PTPRT: variants seen among roughly 807,000 people sequenced by gnomAD.
PTPRT encodes the protein receptor-type tyrosine-protein phosphatase T.
In PTPRT, 56 loss-of-function variants were observed where a neutral mutation model predicts 176.8. The observed-to-expected ratio is 0.32, with a 90% CI of 0.26 to 0.40. The LOEUF is 0.40. Ranked by LOEUF, PTPRT falls within the 10% of genes least tolerant of loss-of-function variation. The probability of loss-of-function intolerance (pLI) is 1.00; values close to 1 mark genes in which losing one functional copy is unlikely to be tolerated. For missense variants in PTPRT, 1,540 were observed against 1,908.2 expected, an observed-to-expected ratio of 0.81 and a Z score of 3.60; for synonymous variants, 783 against 739.0, an observed-to-expected ratio of 1.06 and a Z score of -0.96.
At chr20:42,290,799 G>T (rs866866509) in intron 12 of PTPRT, among the ~76,000 whole-genome samples, 22 of 152,010 alleles carry the variant, frequency 1.4e-4, no homozygotes, top group African/African-American at 5.1e-4. Context: ...ATTATTTACT[G>T]AAATTTTAGG....
At chr20:42,463,134 G>A (rs2071047829) in intron 8 of PTPRT, among the ~76,000 whole-genome samples, 1 of 152,072 alleles carries the variant, frequency 6.6e-6, no homozygotes, top group Admixed American at 6.6e-5. Context: ...TAGTCAAGAT[G>A]TCCTTTGCAA....
intron 6 of PTPRT, among the ~76,000 whole-genome samples, chr20:42,696,494 C>T (rs1387731407): frequency 2.7e-5 from 4 of 150,440 alleles, no homozygotes; most frequent in East Asian, 2.0e-4. Flanking sequence ...CTCGCTCTGT[C>T]GCCCAGGCTG....
intron 15 of PTPRT, among the ~76,000 whole-genome samples, chr20:42,235,418 G>A (rs1600710871): frequency 6.6e-6 from 1 of 151,880 alleles, no homozygotes; most frequent in Non-Finnish European, 1.5e-5. Context: ...CTGCCATCAC[G>A]CCCAGCTCAT....
intron 1 of PTPRT, among the ~76,000 whole-genome samples, chr20:43,155,895 C>G (rs942434727): frequency 6.6e-6 from 1 of 152,026 alleles, no homozygotes; most frequent in Non-Finnish European, 1.5e-5. Flanking sequence ...CAGCCTGAGC[C>G]CTCACCACAA....
intron 8 of PTPRT, among the ~76,000 whole-genome samples, chr20:42,459,908 T>C (rs1160015091): frequency 6.6e-6 from 1 of 150,684 alleles, no homozygotes; most frequent in African/African-American, 2.4e-5. Context: ...TGAGCCACCA[T>C]CCCCAGCCAG....
Position 43,041,633 on chromosome 20 carries a change from C to T in PTPRT, c.88+148013G>A, listed in dbSNP as rs768927889. Among the ~76,000 whole-genome samples, 77 of 152,190 alleles carry T rather than the reference C, an allele frequency of 5.1e-4. 1 individual carries two copies. The highest frequency in any genetic ancestry group is 3.4e-4 in the Non-Finnish European group (23 of 68,032). The stretch of plus-strand genomic sequence containing the variant: ...GGCTACCTCTTCCAAGAATCATTTT[C>T]GGCTGGAAAGTAAACCTATCCAACC... On this transcript the variant is annotated intron_variant, in intron 1 of 30. Transcript: ENST00000373187.
chr20:43,122,199 A>C (rs1260017415), intron 1 of PTPRT, among the ~76,000 whole-genome samples: 1 of 152,216 alleles, frequency 6.6e-6, no homozygotes, highest in Non-Finnish European at 1.5e-5. Context: ...CACACTATGA[A>C]AACCACTGTT....
At chr20:42,843,100 A>T (rs2078307757) in intron 2 of PTPRT, among the ~76,000 whole-genome samples, 1 of 152,208 alleles carries the variant, frequency 6.6e-6, no homozygotes, top group African/African-American at 2.4e-5. Context: ...CTAAATAAGC[A>T]TGTGGATTAT....
intron 27 of PTPRT, among the ~76,000 whole-genome samples, chr20:42,089,176 T>A (rs1184774972): frequency 2.6e-5 from 4 of 152,062 alleles, no homozygotes; most frequent in Admixed American, 2.6e-4. Flanking sequence ...TGGACAACCA[T>A]CTGCTGAGCT....
At chr20:42,427,180 C>G (rs893006874) in intron 9 of PTPRT, among the ~76,000 whole-genome samples, 1 of 152,144 alleles carries the variant, frequency 6.6e-6, no homozygotes, top group African/African-American at 2.4e-5. Context: ...TCCTCTTCTC[C>G]CCCATTCTTT....
chr20:42,719,421 T>C (rs1430913288), intron 6 of PTPRT, among the ~76,000 whole-genome samples: 2 of 152,070 alleles, frequency 1.3e-5, no homozygotes, highest in African/African-American at 2.4e-5. Flanking sequence ...CCAAGAGATA[T>C]AGTTATGGAA....
chr20:42,391,817 A>G (rs1232699508), intron 9 of PTPRT, among the ~76,000 whole-genome samples: 1 of 152,216 alleles, frequency 6.6e-6, no homozygotes, highest in African/African-American at 2.4e-5. Flanking sequence ...GCTCTGTCCT[A>G]TAACTAAATG....
intron 9 of PTPRT, among the ~76,000 whole-genome samples, chr20:42,409,088 C>A (rs2058988068): frequency 6.6e-6 from 1 of 152,202 alleles, no homozygotes; most frequent in Non-Finnish European, 1.5e-5. Flanking sequence ...TCAGACCTTA[C>A]CACTGATAGA....
chr20:42,585,632 C>T lies in PTPRT; in HGVS notation c.1153+92234G>A, dbSNP rs146271371. ...TTGTTTATTAAATTCCTACAGCAAT[C>T]CTATAAGGTAGACACTATCATTATC... is the stretch of plus-strand genomic sequence containing the variant. On this transcript the variant is annotated intron_variant, in intron 7 of 30. Coordinates refer to ENST00000373187, the MANE Select transcript of PTPRT (RefSeq NM_007050.6). Among the ~76,000 whole-genome samples, 62 of 152,186 alleles carry T rather than the reference C, an allele frequency of 4.1e-4. No individual in the cohort carries two copies. The East Asian group carries it at 0.01, about 25-fold the overall frequency.
chr20:42,693,167 TA>T (rs1336218546), intron 6 of PTPRT, among the ~76,000 whole-genome samples: 2 of 152,230 alleles, frequency 1.3e-5, no homozygotes, highest in African/African-American at 4.8e-5. Flanking sequence ...TATATACATG[TA>T]TTCTTCTTCA....
intron 7 of PTPRT, among the ~76,000 whole-genome samples, chr20:42,590,820 T>C (rs985360870): frequency 1.3e-5 from 2 of 152,100 alleles, no homozygotes; most frequent in African/African-American, 4.8e-5. Context: ...CAATAATCAA[T>C]ACATTAATAA....
chr20:42,915,612 ATCTG>A (rs1383850300), intron 1 of PTPRT, among the ~76,000 whole-genome samples: 11 of 152,086 alleles, frequency 7.2e-5, no homozygotes, highest in African/African-American at 1.4e-4. Flanking sequence ...CTATCTATCT[ATCTG>A]TCTATCATTT....
At chr20:42,441,397 T>C (rs6065477) in intron 9 of PTPRT, among the ~76,000 whole-genome samples, 13,444 of 151,974 alleles carry the variant, frequency 0.088, 1,008 homozygotes, top group African/African-American at 0.19. Flanking sequence ...TGGGTGAGCT[T>C]GGGAAATGCC....
intron 7 of PTPRT, among the ~76,000 whole-genome samples, chr20:42,552,924 A>G (rs2072794291): frequency 1.3e-5 from 2 of 152,142 alleles, no homozygotes; most frequent in African/African-American, 2.4e-5. Context: ...TAAAATGAAA[A>G]ATAGTCTCAG....
Sources: allele counts gnomAD v4.1 joint callset (sites outside exome capture counted in the v4.1 genomes callset), GRCh38; gene constraint gnomAD v4.1.1; transcripts MANE v1.5; gene names NCBI Gene and HGNC (gene_info 2026-07-23, HGNC 2026-07-21).